XKR9: variants seen among roughly 807,000 people sequenced by gnomAD.
The protein encoded by XKR9 is XK related 9, also known as XK-related protein 9.
Under a neutral mutation model 32.0 loss-of-function variants are expected in XKR9, and 32 were observed. That is an observed-to-expected ratio of 1.00 (90% CI 0.76 to 1.34). The LOEUF is 1.34. Ranked by LOEUF, XKR9 falls within the 40% of genes most tolerant of loss-of-function variation. XKR9 has a pLI of 0.00. For missense variants in XKR9, 546 were observed against 429.7 expected (o/e 1.27, Z -2.39); for synonymous variants, 168 against 143.4 (o/e 1.17, Z -1.22).
chr8:70,754,159 T>C (rs1459562180), intron 2 of XKR9, among the ~76,000 whole-genome samples: 1 of 148,036 alleles, frequency 6.8e-6, no homozygotes, highest in Non-Finnish European at 1.5e-5. Context: ...CAAACTCCCA[T>C]TCACAATTGC....
chr8:70,705,369 G>A lies in XKR9; in HGVS notation c.273-1564G>A, dbSNP rs552597966. ...TGTGCTAGGTGGTGATAAGTACTTC[G>A]AAGAAAAATAATATAGGGTAAAGAG... On this transcript the variant is annotated intron_variant, in intron 3 of 4. Transcript: ENST00000408926. Among the ~76,000 whole-genome samples, 3 of 152,208 alleles carry A rather than the reference G, an allele frequency of 2.0e-5. No homozygotes were observed. In the South Asian group the frequency reaches 6.2e-4, roughly 32 times the overall value.
the XKR9 span, among the ~76,000 whole-genome samples, chr8:70,813,278 A>C: frequency 6.6e-6 from 1 of 152,236 alleles, no homozygotes; most frequent in Non-Finnish European, 1.5e-5. Flanking sequence ...TTAACACCTT[A>C]TACAAAAATT....
intron 2 of XKR9, among the ~76,000 whole-genome samples, chr8:70,780,513 C>A (rs1001506427): frequency 6.6e-6 from 1 of 151,984 alleles, no homozygotes; most frequent in Non-Finnish European, 1.5e-5. Context: ...AATGTTCAGT[C>A]TTCACATATT....
chr8:70,738,205 T>C (rs575166675), downstream of XKR9, among the ~76,000 whole-genome samples: 12 of 135,392 alleles, frequency 8.9e-5, 1 homozygote, highest in Non-Finnish European at 1.7e-4. Context: ...TGGGAGGGTG[T>C]ATGTGTCAAG....
intron 2 of XKR9, among the ~76,000 whole-genome samples, chr8:70,752,234 A>G (rs1195694474): frequency 6.6e-6 from 1 of 152,226 alleles, no homozygotes; most frequent in African/African-American, 2.4e-5. Context: ...TGGCTTCTTT[A>G]AAACACAACA....
chr8:70,727,946 C>A (rs947419435), intron 4 of XKR9, among the ~76,000 whole-genome samples: 3 of 152,020 alleles, frequency 2.0e-5, no homozygotes, highest in Non-Finnish European at 4.4e-5. Flanking sequence ...CAGGTAGGGT[C>A]AGAATCTTGT....
downstream of XKR9, among the ~76,000 whole-genome samples, chr8:70,736,975 T>C (rs1417726124): frequency 6.6e-6 from 1 of 152,032 alleles, no homozygotes; most frequent in Non-Finnish European, 1.5e-5. Context: ...CCATATGAAC[T>C]TTAAAGTAGT....
chr8:71,062,823 C>T, the XKR9 span, among the ~76,000 whole-genome samples: 2 of 151,956 alleles, frequency 1.3e-5, no homozygotes, highest in African/African-American at 2.4e-5. Context: ...TTAAGAAACA[C>T]TTATTTCTTT....
the XKR9 span, among the ~76,000 whole-genome samples, chr8:70,882,353 G>A: frequency 6.6e-6 from 1 of 150,812 alleles, no homozygotes; most frequent in Non-Finnish European, 1.5e-5. Context: ...AATGCAGAAG[G>A]GCACAAAATA....
chr8:70,854,662 C>A, the XKR9 span, among the ~76,000 whole-genome samples: 2 of 152,008 alleles, frequency 1.3e-5, no homozygotes, highest in South Asian at 2.1e-4. Context: ...TTAGGTCTAA[C>A]ATTTAAGTCT....
At chr8:70,815,675 G>A in the XKR9 span, among the ~76,000 whole-genome samples, 16 of 151,914 alleles carry the variant, frequency 1.1e-4, no homozygotes, top group Non-Finnish European at 1.6e-4. Context: ...ACAGGCGCCC[G>A]CCACCATGCC....
chr8:70,758,799 C>G (rs1807265798), intron 2 of XKR9, among the ~76,000 whole-genome samples: 1 of 152,154 alleles, frequency 6.6e-6, no homozygotes, highest in African/African-American at 2.4e-5. Context: ...TTATCATCAA[C>G]AGTGAAGCAG....
the XKR9 span, among the ~76,000 whole-genome samples, chr8:70,849,902 T>C: frequency 6.6e-6 from 1 of 150,494 alleles, no homozygotes; most frequent in African/African-American, 2.5e-5. Context: ...ACATACACCC[T>C]CCCAAAACAA....
chr8:70,762,016 G>A (rs1017883860), intron 2 of XKR9, among the ~76,000 whole-genome samples: 1 of 151,922 alleles, frequency 6.6e-6, no homozygotes, highest in African/African-American at 2.4e-5. Context: ...GTAGGCGTGC[G>A]GTCTTATTTC....
Position 70,681,338 on chromosome 8 carries a change from T to C in XKR9, c.272+8T>C. 6.2e-7 allele frequency: 1 copy of C among 1,606,992 alleles called. No individual in the cohort carries two copies. Among genetic ancestry groups the C allele is most frequent in the Non-Finnish European group, 8.5e-7 (1 of 1,176,942 alleles). On this transcript the variant is annotated splice_region_variant and intron_variant, in intron 3 of 4. Coordinates refer to ENST00000408926, the MANE Select transcript of XKR9 (RefSeq NM_001011720.2). Reference sequence around the variant, plus strand: ...AGGAGGAGTTTTTACAAGGTGAGCATACATGTTTAATCATTACCACTGTTT... The same window carrying C: ...AGGAGGAGTTTTTACAAGGTGAGCACACATGTTTAATCATTACCACTGTTT...
the XKR9 span, among the ~76,000 whole-genome samples, chr8:71,061,394 GAGCAGTGTTCC>G: frequency 3.3e-5 from 5 of 152,212 alleles, no homozygotes; most frequent in African/African-American, 1.2e-4. Context: ...CAAGATGACA[GAGCAGTGTTCC>G]AGCCTTACCC....
intron 2 of XKR9, among the ~76,000 whole-genome samples, chr8:70,765,962 C>G (rs1378492631): frequency 6.6e-6 from 1 of 152,098 alleles, no homozygotes; most frequent in East Asian, 1.9e-4. Flanking sequence ...TTCCATTGTT[C>G]TATATGTCTG....
chr8:70,965,488 C>T, the XKR9 span, among the ~76,000 whole-genome samples: 1 of 152,204 alleles, frequency 6.6e-6, no homozygotes, highest in East Asian at 1.9e-4. Flanking sequence ...AGGAGTACCT[C>T]GTTTTCAATT....
chr8:70,753,538 C>G, intron 2 of XKR9, among the ~76,000 whole-genome samples: 1 of 152,208 alleles, frequency 6.6e-6, no homozygotes, highest in Non-Finnish European at 1.5e-5. Flanking sequence ...CAAACCGAAT[C>G]CAGCAGCACA....
Sources: gnomAD v4.1 joint callset for allele counts (sites outside exome capture counted in the v4.1 genomes callset) on GRCh38, gnomAD v4.1.1 for gene constraint, MANE v1.5 for transcripts, NCBI Gene and HGNC (gene_info 2026-07-23, HGNC 2026-07-21) for gene names.